NRCAM: variants seen among roughly 807,000 people sequenced by gnomAD.
NRCAM encodes NgCAM-related cell adhesion molecule.
A neutral mutation model predicts 156.5 loss-of-function variants in NRCAM; 83 were observed. The ratio of observed to expected loss-of-function variants is 0.53; its 90% CI spans 0.44 to 0.64. The LOEUF is 0.64. Among genes scored for constraint, NRCAM ranks in the 30% least tolerant of loss-of-function variants. NRCAM has a pLI of 0.00. For synonymous variants in NRCAM, 538 were observed against 563.9 expected (o/e 0.95, Z 0.65); for missense variants, 1,417 against 1,597.3 (o/e 0.89, Z 1.92).
chr7:108,216,517 G>A (rs1042675107), intron 11 of NRCAM, among the ~76,000 whole-genome samples: 6 of 152,146 alleles, frequency 3.9e-5, no homozygotes, highest in African/African-American at 1.4e-4. Context: ...TTTCCAACTT[G>A]GTTCCATTCT....
At chr7:108,380,399 T>C (rs1274588679) in intron 2 of NRCAM, among the ~76,000 whole-genome samples, 1 of 152,230 alleles carries the variant, frequency 6.6e-6, no homozygotes, top group Non-Finnish European at 1.5e-5. Flanking sequence ...CTGCACCATG[T>C]GCAGCTATTG....
rs368039731 is a variant in NRCAM at position 108,418,337 on chromosome 7, C to T, written c.-331-18744G>A. Reference sequence around the variant, plus strand: ...TCAAAGCATCTATTGAGAAGAAAGACAAGTCCACTCACAGAATAATATGCA... The same window carrying T: ...TCAAAGCATCTATTGAGAAGAAAGATAAGTCCACTCACAGAATAATATGCA... On this transcript the variant is annotated intron_variant, in intron 1 of 32. Transcript: ENST00000379028. Among the ~76,000 whole-genome samples the T allele has an allele frequency of 9.2e-5, 14 of 152,258 alleles. No homozygotes were observed. In the South Asian group the frequency reaches 2.9e-3, roughly 32 times the overall value.
chr7:108,439,102 T>G (rs999533796), intron 1 of NRCAM, among the ~76,000 whole-genome samples: 1 of 152,114 alleles, frequency 6.6e-6, no homozygotes, highest in African/African-American at 2.4e-5. Context: ...TTCCATGAAA[T>G]TAACAAGTTG....
chr7:108,414,999 G>A (rs962080693), intron 1 of NRCAM, among the ~76,000 whole-genome samples: 1 of 152,114 alleles, frequency 6.6e-6, no homozygotes, highest in Non-Finnish European at 1.5e-5. Context: ...GGGGTTTGGA[G>A]GTGAAGGGCA....
intron 2 of NRCAM, among the ~76,000 whole-genome samples, chr7:108,397,216 T>A (rs1296225654): frequency 6.6e-6 from 1 of 152,202 alleles, no homozygotes; most frequent in Non-Finnish European, 1.5e-5. Flanking sequence ...AAATTATTTT[T>A]CTTGTGTATG....
At chr7:108,414,183 A>G (rs1004795623) in intron 1 of NRCAM, among the ~76,000 whole-genome samples, 3 of 152,108 alleles carry the variant, frequency 2.0e-5, no homozygotes, top group Admixed American at 6.5e-5. Flanking sequence ...GAAGGAGCTA[A>G]AAGATCAATT....
intron 3 of NRCAM, among the ~76,000 whole-genome samples, chr7:108,242,486 G>A (rs1443365854): frequency 6.6e-6 from 1 of 152,146 alleles, no homozygotes; most frequent in Non-Finnish European, 1.5e-5. Flanking sequence ...CTTTCTGTGT[G>A]TGCAAAGCAC....
At chr7:108,395,903 C>T (rs969176542) in intron 2 of NRCAM, among the ~76,000 whole-genome samples, 2 of 152,182 alleles carry the variant, frequency 1.3e-5, no homozygotes, top group East Asian at 1.9e-4. Flanking sequence ...CCTCCCCTTT[C>T]GCAGCCATCA....
At chr7:108,434,371 C>T (rs1236011627) in intron 1 of NRCAM, among the ~76,000 whole-genome samples, 1 of 152,054 alleles carries the variant, frequency 6.6e-6, no homozygotes, top group Non-Finnish European at 1.5e-5. Flanking sequence ...TTGGAGAAAA[C>T]AAAAAACTAG....
chr7:108,341,620 C>T (rs2099278143), intron 2 of NRCAM, among the ~76,000 whole-genome samples: 1 of 152,124 alleles, frequency 6.6e-6, no homozygotes, highest in African/African-American at 2.4e-5. Context: ...ATCCTGAAGT[C>T]TGGGCAACAG....
chr7:108,242,258 C>CAAAAAAAAAA (rs11413420), intron 3 of NRCAM, among the ~76,000 whole-genome samples: 1 of 98,524 alleles, frequency 1.0e-5, no homozygotes, highest in African/African-American at 4.1e-5. Context: ...GACCCCGTCT[C>CAAAAAAAAAA]AAAAAAAAAA....
chr7:108,274,878 T>C (rs1361732717), intron 3 of NRCAM, among the ~76,000 whole-genome samples: 3 of 152,174 alleles, frequency 2.0e-5, no homozygotes, highest in Non-Finnish European at 4.4e-5. Context: ...TGTGGGTTTG[T>C]CATAAAGCTC....
At chr7:108,409,007 G>A (rs987381671) in intron 1 of NRCAM, among the ~76,000 whole-genome samples, 1 of 152,146 alleles carries the variant, frequency 6.6e-6, no homozygotes, top group Non-Finnish European at 1.5e-5. Context: ...CGAGGGGTGT[G>A]ACATATTCAG....
intron 2 of NRCAM, among the ~76,000 whole-genome samples, chr7:108,329,214 T>C (rs917211948): frequency 6.6e-6 from 1 of 152,228 alleles, no homozygotes; most frequent in African/African-American, 2.4e-5. Context: ...TGCTTATTAT[T>C]CTTCTTCTAA....
chr7:108,400,224 A>T (rs1404068146), intron 1 of NRCAM, among the ~76,000 whole-genome samples: 1 of 152,254 alleles, frequency 6.6e-6, no homozygotes, highest in Non-Finnish European at 1.5e-5. Flanking sequence ...AAGCCAACTA[A>T]CAGGTGTGCT....
intron 3 of NRCAM, among the ~76,000 whole-genome samples, chr7:108,242,678 A>C (rs764779169): frequency 2.0e-5 from 3 of 152,234 alleles, no homozygotes; most frequent in Non-Finnish European, 2.9e-5. Context: ...TCTGAAAAGG[A>C]AAATGGTTTA....
chr7:108,397,284 G>A (rs980845808), intron 2 of NRCAM, among the ~76,000 whole-genome samples: 11 of 152,166 alleles, frequency 7.2e-5, no homozygotes, highest in African/African-American at 2.7e-4. Context: ...GTGAACTACA[G>A]AGAGTAAAAA....
intron 11 of NRCAM, among the ~76,000 whole-genome samples, chr7:108,216,683 C>T (rs2089170123): frequency 6.6e-6 from 1 of 152,040 alleles, no homozygotes; most frequent in African/African-American, 2.4e-5. Context: ...CTCTGTTATC[C>T]TTTCTTCCAC....
chr7:108,203,483 T>C (rs926773467), intron 13 of NRCAM, among the ~76,000 whole-genome samples: 1 of 152,072 alleles, frequency 6.6e-6, no homozygotes. Context: ...TTTCAGGTCT[T>C]AAATGCAGTC....
Sources: allele counts gnomAD v4.1 joint callset (sites outside exome capture counted in the v4.1 genomes callset), GRCh38; gene constraint gnomAD v4.1.1; transcripts MANE v1.5; gene names NCBI Gene and HGNC (gene_info 2026-07-23, HGNC 2026-07-21).